IL1RAPL2: variants seen among roughly 807,000 people sequenced by gnomAD.
IL1RAPL2 encodes the protein interleukin 1 receptor accessory protein like 2.
IL1RAPL2 carries 3 observed loss-of-function variants against 44.1 expected under a neutral mutation model. That is an observed-to-expected ratio of 0.07 (90% CI 0.03 to 0.18). The LOEUF (loss-of-function observed/expected upper bound fraction) is 0.18. Among genes scored for constraint, IL1RAPL2 ranks in the 10% least tolerant of loss-of-function variants. The probability of loss-of-function intolerance (pLI) is 1.00; values close to 1 mark genes in which losing one functional copy is unlikely to be tolerated. For synonymous variants in IL1RAPL2, 181 were observed against 178.8 expected, an observed-to-expected ratio of 1.01 and a Z score of -0.10; for missense variants, 391 against 496.4, an observed-to-expected ratio of 0.79 and a Z score of 2.02.
At chrX:105,261,478 TTTTGTTTGTTTG>T (rs369041202) in intron 4 of IL1RAPL2, among the ~76,000 whole-genome samples, 64 of 110,574 alleles carry the variant, frequency 5.8e-4, no homozygotes, top group African/African-American at 1.6e-3. Flanking sequence ...CAGGCTGTTT[TTTTGTTTGTTTG>T]TTTGTTTGTT....
chrX:104,570,400 G>T (rs1425386710), intron 1 of IL1RAPL2, among the ~76,000 whole-genome samples: 2 of 112,069 alleles, frequency 1.8e-5, no homozygotes, highest in Non-Finnish European at 3.8e-5. Flanking sequence ...AAATGTGTCT[G>T]TCCAGGCTGG....
chrX:105,717,332 AGTCATTT>A (rs1474597997), intron 6 of IL1RAPL2, 28 bp from the exon 7 acceptor site: 2 of 1,132,768 alleles, frequency 1.8e-6, no homozygotes, highest in African/African-American at 3.7e-5. Flanking sequence ...GATAATCAGG[AGTCATTT>A]GCTCATTTCT....
intron 6 of IL1RAPL2, among the ~76,000 whole-genome samples, chrX:105,582,652 A>C (rs1237883557): frequency 1.8e-5 from 2 of 109,357 alleles, no homozygotes; most frequent in Non-Finnish European, 3.8e-5. Flanking sequence ...TATATATGCC[A>C]TTTATCAGGT....
intron 2 of IL1RAPL2, among the ~76,000 whole-genome samples, chrX:104,794,206 A>C (rs1367755573): frequency 8.9e-6 from 1 of 112,090 alleles, no homozygotes; most frequent in Non-Finnish European, 1.9e-5. Context: ...GCAGCTCTGT[A>C]CAGGAGGTCA....
chrX:104,613,836 G>A (rs1434775008), intron 1 of IL1RAPL2, among the ~76,000 whole-genome samples: 1 of 94,735 alleles, frequency 1.1e-5, no homozygotes, highest in Admixed American at 1.1e-4. Context: ...TTGGTTGGTA[G>A]GTTTTTATTT....
chrX:105,486,292 A>T (rs1466004428), intron 6 of IL1RAPL2, among the ~76,000 whole-genome samples: 1 of 112,292 alleles, frequency 8.9e-6, no homozygotes, highest in Non-Finnish European at 1.9e-5. Context: ...CCTAATGTTC[A>T]CTTTTCCAAA....
intron 6 of IL1RAPL2, among the ~76,000 whole-genome samples, chrX:105,604,849 A>T (rs765346220): frequency 9.9e-5 from 11 of 111,567 alleles, no homozygotes; most frequent in Non-Finnish European, 2.1e-4. Flanking sequence ...AATAAATGTT[A>T]TATGTTCCTT....
intron 1 of IL1RAPL2, among the ~76,000 whole-genome samples, chrX:104,614,447 G>T (rs765976489): frequency 1.5e-4 from 17 of 111,761 alleles, no homozygotes; most frequent in South Asian, 1.1e-3. Context: ...CCAAGCATGT[G>T]GTCAATCTTG....
intron 5 of IL1RAPL2, among the ~76,000 whole-genome samples, chrX:105,479,018 A>G (rs2147773815): frequency 8.9e-6 from 1 of 112,104 alleles, no homozygotes; most frequent in South Asian, 3.7e-4. Context: ...GGAGTAGTCA[A>G]TGCTTTAGGA....
At chrX:105,522,505 C>A (rs2036567059) in intron 6 of IL1RAPL2, among the ~76,000 whole-genome samples, 1 of 111,710 alleles carries the variant, frequency 9.0e-6, no homozygotes, top group Non-Finnish European at 1.9e-5. Context: ...AGTTTCAAAC[C>A]CACCCCAGCT....
intron 2 of IL1RAPL2, among the ~76,000 whole-genome samples, chrX:105,038,167 A>G (rs146571907): frequency 0.029 from 3,224 of 109,972 alleles, 44 homozygotes; most frequent in Non-Finnish European, 0.045. Context: ...GCTTCAATCC[A>G]CTCTATTCTG....
chrX:105,483,288 C>T (rs2036244409), intron 5 of IL1RAPL2, among the ~76,000 whole-genome samples: 1 of 110,902 alleles, frequency 9.0e-6, no homozygotes, highest in Admixed American at 9.7e-5. Context: ...ACTCAGAGTC[C>T]TCCAGAATTC....
intron 2 of IL1RAPL2, among the ~76,000 whole-genome samples, chrX:104,806,901 G>C (rs1932926526): frequency 8.9e-6 from 1 of 111,828 alleles, no homozygotes; most frequent in East Asian, 2.8e-4. Flanking sequence ...CCTGGTCCGG[G>C]GGTAGTCCTC....
intron 4 of IL1RAPL2, among the ~76,000 whole-genome samples, chrX:105,248,755 T>C (rs892479412): frequency 5.4e-5 from 6 of 111,668 alleles, no homozygotes; most frequent in African/African-American, 1.9e-4. Flanking sequence ...CTCAATATCA[T>C]TGATCATCAG....
chrX:105,071,361 TAAAA>T (rs1448605468), intron 2 of IL1RAPL2, among the ~76,000 whole-genome samples: 1 of 110,377 alleles, frequency 9.1e-6, no homozygotes, highest in East Asian at 2.8e-4. Flanking sequence ...AAAATTGAAA[TAAAA>T]AAATGAAAAA....
intron 1 of IL1RAPL2, among the ~76,000 whole-genome samples, chrX:104,638,260 G>C (rs899652982): frequency 1.7e-4 from 18 of 108,886 alleles, no homozygotes; most frequent in Non-Finnish European, 3.4e-4. Flanking sequence ...CTTTTTTGTT[G>C]GTTAGTCCAG....
At position 105,299,007 on chromosome X, in the gene IL1RAPL2, T is replaced by C. The variant is rs891025273; in HGVS notation, c.697+31466T>C. Among the ~76,000 whole-genome samples, 9 of 107,891 alleles carry C rather than the reference T, an allele frequency of 8.3e-5. No individual in the cohort carries two copies. The East Asian group carries it at 2.3e-3, about 28-fold the overall frequency. The allele number at this position is 107,891 out of a possible 115,157, so 93.7% of individuals were successfully genotyped here. ...GCAGGTTGTAAAGAGATGGGGAAAA[T>C]GAGGAAAAGGGGACAATGAATCTAT... On this transcript the variant is annotated intron_variant, in intron 5 of 10. Transcript: ENST00000372582.
At position 104,840,851 on chromosome X, in the gene IL1RAPL2, A is replaced by ATT. The variant is rs35332052; in HGVS notation, c.82+181865_82+181866dup. 1.2e-3 allele frequency among the ~76,000 whole-genome samples: 121 copies of ATT among 103,210 alleles called. 1 individual carries two copies. Among genetic ancestry groups the ATT allele is most frequent in the African/African-American group, 4.1e-3 (117 of 28,201 alleles). 89.6% of individuals were successfully genotyped at this position (103,210 alleles called of 115,157 possible). A position where few individuals can be genotyped will look rare whatever the true frequency, so the allele number is the denominator to read the frequency against. On this transcript the variant is annotated intron_variant, in intron 2 of 10. Coordinates refer to ENST00000372582, the MANE Select transcript of IL1RAPL2 (RefSeq NM_017416.2). The stretch of plus-strand genomic sequence containing the variant: ...TACCACACCCAGTTATTATTTATTT[A>ATT]TTTTTTTTTTGTATTTTTAGTAGAG...
intron 5 of IL1RAPL2, among the ~76,000 whole-genome samples, chrX:105,349,019 C>T (rs1028781780): frequency 8.9e-6 from 1 of 112,201 alleles, no homozygotes; most frequent in Non-Finnish European, 1.9e-5. Flanking sequence ...AACATCAGTT[C>T]TTTTGGACAA....
Sources: gnomAD v4.1 joint callset for allele counts (sites outside exome capture counted in the v4.1 genomes callset) on GRCh38, gnomAD v4.1.1 for gene constraint, MANE v1.5 for transcripts, NCBI Gene and HGNC (gene_info 2026-07-23, HGNC 2026-07-21) for gene names.